RUNX1T1: variants seen among roughly 807,000 people sequenced by gnomAD.
RUNX1T1 encodes RUNX1 partner transcriptional co-repressor 1, also known as protein CBFA2T1.
A neutral mutation model predicts 62.8 loss-of-function variants in RUNX1T1; 4 were observed. The ratio of observed to expected loss-of-function variants is 0.06; its 90% CI spans 0.03 to 0.15. RUNX1T1 has a LOEUF of 0.15. Ranked by LOEUF, RUNX1T1 falls within the 10% of genes least tolerant of loss-of-function variation. RUNX1T1 has a pLI of 1.00. For synonymous variants in RUNX1T1, 291 were observed against 286.0 expected (o/e 1.02, Z -0.18); for missense variants, 508 against 754.3 (o/e 0.67, Z 3.82).
At chr8:91,983,772 C>T (rs1250520259) in intron 8 of RUNX1T1, among the ~76,000 whole-genome samples, 1 of 152,162 alleles carries the variant, frequency 6.6e-6, no homozygotes, top group Non-Finnish European at 1.5e-5. Context: ...TTAGAAAGCA[C>T]TTAATGTAAA....
Position 91,990,819 on chromosome 8 carries a change from G to T in RUNX1T1, c.910+820C>A, listed in dbSNP as rs182198253. 3.6e-4 allele frequency among the ~76,000 whole-genome samples: 55 copies of T among 151,940 alleles called. 1 individual carries two copies. Among genetic ancestry groups the T allele is most frequent in the African/African-American group, 1.3e-3 (54 of 41,450 alleles). On this transcript the variant is annotated intron_variant, in intron 6 of 10. Transcript: ENST00000396218. Reference sequence around the variant, plus strand: ...GCTAGAGGCATGCACCACCATGCCCGGCTAATTTTTGTACTTTTAGTAGAG... The same window carrying T: ...GCTAGAGGCATGCACCACCATGCCCTGCTAATTTTTGTACTTTTAGTAGAG...
chr8:91,990,050 A>G (rs894627717), intron 6 of RUNX1T1, among the ~76,000 whole-genome samples: 1 of 151,998 alleles, frequency 6.6e-6, no homozygotes, highest in Non-Finnish European at 1.5e-5. Context: ...TGCTTTCTAA[A>G]CATTTGGGGA....
At chr8:92,008,388 TCACACACACACA>T (rs566293413) in intron 4 of RUNX1T1, among the ~76,000 whole-genome samples, 169 of 131,898 alleles carry the variant, frequency 1.3e-3, no homozygotes, top group Admixed American at 3.0e-3. Flanking sequence ...TCTCTCTCTC[TCACACACACACA>T]CACACACACA....
intron 10 of RUNX1T1, among the ~76,000 whole-genome samples, chr8:91,962,120 TA>T (rs1317616473): frequency 2.6e-5 from 4 of 152,192 alleles, no homozygotes; most frequent in African/African-American, 7.2e-5. Context: ...TGTTAACAAA[TA>T]AATGGGCTCC....
In RUNX1T1 at chr8:92,095,126, C is replaced by A; in HGVS notation, c.-86+4454G>T. ...ACCCCACACAACAAAAGGCAGATTT[C>A]TCTTTCTCACTCTGCTAATCTTTAA... On this transcript the variant is annotated intron_variant, in intron 1 of 11. Transcript: ENST00000265814. 3 of 1,535,624 alleles carry A rather than the reference C, an allele frequency of 2.0e-6. No homozygotes were observed. The highest frequency in any genetic ancestry group is 1.7e-6 in the Non-Finnish European group (2 of 1,146,914).
At chr8:92,035,260 C>T (rs1346282642) in intron 1 of RUNX1T1, among the ~76,000 whole-genome samples, 1 of 150,738 alleles carries the variant, frequency 6.6e-6, no homozygotes, top group East Asian at 2.0e-4. Flanking sequence ...GCGCCATTGC[C>T]CTCCCGTCTG....
At chr8:92,090,437 A>G (rs1836813956) in intron 1 of RUNX1T1, among the ~76,000 whole-genome samples, 1 of 152,006 alleles carries the variant, frequency 6.6e-6, no homozygotes, top group African/African-American at 2.4e-5. Flanking sequence ...GATAAGTTCA[A>G]CAACAACAAC....
At chr8:92,061,862 G>A (rs150668130) in intron 1 of RUNX1T1, among the ~76,000 whole-genome samples, 10 of 152,116 alleles carry the variant, frequency 6.6e-5, no homozygotes, top group African/African-American at 2.4e-4. Context: ...CCCTTTCCCC[G>A]GCCAGCCTTC....
chr8:92,038,752 T>C (rs1827877411), intron 1 of RUNX1T1, among the ~76,000 whole-genome samples: 1 of 152,270 alleles, frequency 6.6e-6, no homozygotes, highest in East Asian at 1.9e-4. Context: ...AGTAAGGTCA[T>C]GGGTCCTACA....
At chr8:92,098,659 C>T (rs762801126) in intron 1 of RUNX1T1, among the ~76,000 whole-genome samples, 6 of 152,196 alleles carry the variant, frequency 3.9e-5, no homozygotes, top group Non-Finnish European at 8.8e-5. Context: ...GATTTATTCA[C>T]TCAGAACTCA....
At chr8:92,095,374 GCCGCGGCCGAGGCGGCACCCAGA>G (rs1837641490) in intron 1 of RUNX1T1, 1 of 1,535,352 alleles carries the variant, frequency 6.5e-7, no homozygotes, top group Non-Finnish European at 8.7e-7. Context: ...CGGGAGAGCG[GCCGCGGCCGAGGCGGCACCCAGA>G]CCGCGGCTTT....
intron 2 of RUNX1T1, among the ~76,000 whole-genome samples, chr8:92,072,395 A>T (rs1833820431): frequency 6.6e-6 from 1 of 152,208 alleles, no homozygotes; most frequent in Non-Finnish European, 1.5e-5. Context: ...AAACTCAGGA[A>T]TATCAAACAT....
chr8:91,956,305 C>T (rs1281754435), downstream of RUNX1T1: 14 of 231,346 alleles, frequency 6.1e-5, no homozygotes, highest in Non-Finnish European at 1.1e-4. Context: ...TATGAATGAG[C>T]TCGACTTTTG....
intron 2 of RUNX1T1, among the ~76,000 whole-genome samples, chr8:92,075,121 C>T (rs1439757795): frequency 6.6e-6 from 1 of 152,236 alleles, no homozygotes; most frequent in African/African-American, 2.4e-5. Context: ...TTCGCTCCCC[C>T]TCTTTCTACG....
intron 8 of RUNX1T1, among the ~76,000 whole-genome samples, chr8:91,978,787 T>C (rs1346980633): frequency 3.3e-5 from 5 of 152,160 alleles, no homozygotes; most frequent in Admixed American, 2.0e-4. Flanking sequence ...CCACCTTCTA[T>C]GGGCTGCACA....
intron 1 of RUNX1T1, among the ~76,000 whole-genome samples, chr8:92,093,358 A>G (rs1837322358): frequency 6.6e-6 from 1 of 151,866 alleles, no homozygotes; most frequent in Admixed American, 6.6e-5. Context: ...TCTTTGACTC[A>G]ATGTCTGCCT....
intron 5 of RUNX1T1, among the ~76,000 whole-genome samples, chr8:92,003,636 T>A (rs1820181383): frequency 6.6e-6 from 1 of 152,196 alleles, no homozygotes; most frequent in African/African-American, 2.4e-5. Context: ...CATCTCAGTA[T>A]CTGTATGTCA....
intron 5 of RUNX1T1, chr8:92,003,219 A>G (rs892546056): frequency 1.8e-5 from 7 of 391,496 alleles, no homozygotes; most frequent in African/African-American, 1.0e-4. Context: ...ACAGCGACAG[A>G]GCATCAAAAC....
At chr8:92,006,193 C>T (rs1197083635) in intron 4 of RUNX1T1, 1 of 152,062 alleles carries the variant, frequency 6.6e-6, no homozygotes, top group African/African-American at 2.4e-5. Context: ...AAATGAAAAC[C>T]TAAGAAGGCA....
Sources: gnomAD v4.1 joint callset for allele counts (sites outside exome capture counted in the v4.1 genomes callset) on GRCh38, gnomAD v4.1.1 for gene constraint, MANE v1.5 for transcripts, NCBI Gene and HGNC (gene_info 2026-07-23, HGNC 2026-07-21) for gene names.